CFDP1: variants seen among roughly 807,000 people sequenced by gnomAD.
CFDP1 encodes the protein heterochromatin-stabilizing protein CFDP1.
A neutral mutation model predicts 40.1 loss-of-function variants in CFDP1; 31 were observed. The ratio of observed to expected loss-of-function variants is 0.77; its 90% confidence interval spans 0.58 to 1.04. The LOEUF is 1.04. Ranked by LOEUF, CFDP1 falls within the 50% of genes least tolerant of loss-of-function variation. The pLI is 0.00. For synonymous variants in CFDP1, 167 were observed against 120.0 expected, an observed-to-expected ratio of 1.39 and a Z score of -2.56; for missense variants, 423 against 343.4, an observed-to-expected ratio of 1.23 and a Z score of -1.83.
At chr16:75,419,451 T>G (rs1038429064) in intron 1 of CFDP1, among the ~76,000 whole-genome samples, 47 of 152,172 alleles carry the variant, frequency 3.1e-4, no homozygotes. Context: ...AGACATCACT[T>G]CTCAAACTCT....
chr16:75,432,793 G>A (rs116021107), intron 1 of CFDP1, among the ~76,000 whole-genome samples: 225 of 152,314 alleles, frequency 1.5e-3, no homozygotes, highest in African/African-American at 5.3e-3. Context: ...AGTTCTGAGA[G>A]GAGAGGATGG....
At chr16:75,302,510 CA>C (rs2078227877) in intron 6 of CFDP1, among the ~76,000 whole-genome samples, 1 of 152,226 alleles carries the variant, frequency 6.6e-6, no homozygotes, top group South Asian at 2.1e-4. Context: ...CTTGGCCTCC[CA>C]AAGTGCTGGG....
At chr16:75,305,280 AT>A in intron 5 of CFDP1, 98 bp from the exon 6 acceptor site, 1 of 1,243,586 alleles carries the variant, frequency 8.0e-7, no homozygotes, top group Non-Finnish European at 1.1e-6. Context: ...GATTGGGGCC[AT>A]TTATCTTAGT....
chr16:75,417,435 A>G (rs2079219941), intron 1 of CFDP1, among the ~76,000 whole-genome samples: 1 of 152,142 alleles, frequency 6.6e-6, no homozygotes, highest in Admixed American at 6.6e-5. Flanking sequence ...TCCAAGATAT[A>G]CTCTTAAGTT....
chr16:75,384,964 A>G (rs1374164607), intron 5 of CFDP1, among the ~76,000 whole-genome samples: 1 of 144,208 alleles, frequency 6.9e-6, no homozygotes, highest in Non-Finnish European at 1.5e-5. Context: ...CAATACATAT[A>G]TATGTATACA....
intron 5 of CFDP1, among the ~76,000 whole-genome samples, chr16:75,360,869 A>G (rs2078675754): frequency 1.3e-5 from 2 of 152,254 alleles, no homozygotes; most frequent in Admixed American, 6.5e-5. Flanking sequence ...GTAAGATGTT[A>G]AAAAGATTCA....
At chr16:75,370,146 G>A (rs530005185) in intron 5 of CFDP1, among the ~76,000 whole-genome samples, 156 of 151,352 alleles carry the variant, frequency 1.0e-3, no homozygotes, top group African/African-American at 3.5e-3. Flanking sequence ...AGGCTGGAGT[G>A]CAATGGTGTA....
intron 1 of CFDP1, among the ~76,000 whole-genome samples, chr16:75,427,315 A>G (rs1321139766): frequency 2.6e-5 from 4 of 151,896 alleles, no homozygotes; most frequent in Non-Finnish European, 5.9e-5. Context: ...CAGTGGCACA[A>G]TTCCGGCTCA....
chr16:75,391,054 G>A (rs1246814937), intron 5 of CFDP1, among the ~76,000 whole-genome samples: 3 of 152,236 alleles, frequency 2.0e-5, no homozygotes, highest in African/African-American at 7.2e-5. Context: ...GCATGGATAT[G>A]ACAAGCAGTG....
At chr16:75,416,651 G>A (rs191531976) in intron 1 of CFDP1, among the ~76,000 whole-genome samples, 15 of 152,120 alleles carry the variant, frequency 9.9e-5, no homozygotes, top group African/African-American at 3.4e-4. Flanking sequence ...TCTAAGCTGA[G>A]GCAGAAAGAT....
rs952533548 is a variant in CFDP1 at position 75,433,471 on chromosome 16, G to C, written c.-119C>G. On this transcript the variant is annotated 5_prime_UTR_variant, in exon 1 of 7. Coordinates refer to ENST00000283882, the MANE Select transcript of CFDP1 (RefSeq NM_006324.3). The stretch of plus-strand genomic sequence containing the variant: ...GGCGACGGCAGCTAGGGCGGCCCCC[G>C]ACAGCGCTTTGCACATGCGCAGAGA... The C allele has an allele frequency of 3.3e-6, 3 of 920,672 alleles. No homozygotes were observed. Among genetic ancestry groups the C allele is most frequent in the Non-Finnish European group, 5.1e-6 (3 of 593,734 alleles). 57.0% of individuals were successfully genotyped at this position (920,672 alleles called of 1,614,324 possible).
At position 75,411,890 on chromosome 16, in the gene CFDP1, C is replaced by G. The variant is rs377603272; in HGVS notation, c.465G>C (p.Glu155Asp). 12 of 1,612,486 alleles carry G rather than the reference C, an allele frequency of 7.4e-6. No homozygotes were observed. Among genetic ancestry groups the G allele is most frequent in the Non-Finnish European group, 1.0e-5 (12 of 1,179,580 alleles). The change falls in exon 4 of 7, where the codon GAG becomes GAC. Residue 155 changes from glutamate (E) to aspartate (D), a missense_variant. By Grantham distance (45) the Glu-to-Asp change is conservative. Coordinates refer to ENST00000283882, the MANE Select transcript of CFDP1 (RefSeq NM_006324.3). The part of the protein sequence containing the change: ...SKLLVKAEEL[E>D]KPKETEKVKI... ...TAACTTTTTCTGTTTCTTTAGGTTT[C>G]TCTAGCTCTTCTGCTTTTACCAACA...
In CFDP1 at chr16:75,310,614, G is replaced by C. The variant is rs1363382272; in HGVS notation, c.651-5432C>G. On this transcript the variant is annotated intron_variant, in intron 5 of 6. Coordinates refer to ENST00000283882, the MANE Select transcript of CFDP1 (RefSeq NM_006324.3). ...TGTCACAGAGATATTATGGTAACTT[G>C]TTTACTTTGTTCCATGTCCACCAGC... 3.3e-5 allele frequency among the ~76,000 whole-genome samples: 5 copies of C among 152,206 alleles called. No individual in the cohort carries two copies. In the South Asian group the frequency reaches 6.2e-4, roughly 19 times the overall value.
chr16:75,402,050 T>C (rs900283983), intron 4 of CFDP1, among the ~76,000 whole-genome samples: 3 of 152,230 alleles, frequency 2.0e-5, no homozygotes, highest in African/African-American at 7.2e-5. Flanking sequence ...AACACTGGTA[T>C]ATTTATCTCA....
At chr16:75,384,481 T>C (rs763287290) in intron 5 of CFDP1, among the ~76,000 whole-genome samples, 1 of 152,184 alleles carries the variant, frequency 6.6e-6, no homozygotes, top group African/African-American at 2.4e-5. Flanking sequence ...GGTAAATGTA[T>C]GGAAACTGGT....
intron 1 of CFDP1, among the ~76,000 whole-genome samples, chr16:75,422,851 AAAAC>A (rs1280160927): frequency 4.0e-5 from 6 of 151,390 alleles, no homozygotes; most frequent in East Asian, 2.0e-4. Context: ...GTTTCTTTTA[AAAAC>A]AAACAAACAA....
intron 5 of CFDP1, chr16:75,324,656 T>A (rs915158455): frequency 2.7e-5 from 4 of 150,374 alleles, no homozygotes; most frequent in African/African-American, 7.4e-5. Flanking sequence ...GGCAGGAGAA[T>A]CACTTGAACC....
intron 5 of CFDP1, among the ~76,000 whole-genome samples, chr16:75,356,207 G>A (rs1216007511): frequency 6.6e-6 from 1 of 152,168 alleles, no homozygotes; most frequent in African/African-American, 2.4e-5. Context: ...CTTATTAAAT[G>A]TATTTAAGTA....
chr16:75,405,704 T>C (rs563927282), intron 4 of CFDP1, among the ~76,000 whole-genome samples: 2 of 148,792 alleles, frequency 1.3e-5, no homozygotes, highest in South Asian at 2.1e-4. Context: ...GAGCTGAGAT[T>C]GTGTCATTGC....
Sources: gnomAD v4.1 joint callset for allele counts (sites outside exome capture counted in the v4.1 genomes callset) on GRCh38, gnomAD v4.1.1 for gene constraint, MANE v1.5 for transcripts, NCBI Gene and HGNC (gene_info 2026-07-23, HGNC 2026-07-21) for gene names.